The following SLC7A8 variants were observed in gnomAD, a reference collection of about 807,000 sequenced individuals.
The protein encoded by SLC7A8 is large neutral amino acids transporter small subunit 2.
SLC7A8 carries 30 observed loss-of-function variants against 51.2 expected under a neutral mutation model. The observed-to-expected ratio is 0.59, with a 90% CI of 0.44 to 0.80. The LOEUF (loss-of-function observed/expected upper bound fraction) is 0.80. SLC7A8 is among the 30% of genes least tolerant of loss of function. The pLI is 0.00. For synonymous variants in SLC7A8, 257 were observed against 275.8 expected (o/e 0.93, Z 0.67); for missense variants, 612 against 674.4 (o/e 0.91, Z 1.03).
rs372735550 is a variant in SLC7A8 at position 23,129,533 on chromosome 14, T to C, written c.1263+117A>G. 38 of 1,230,816 alleles carry C rather than the reference T, an allele frequency of 3.1e-5. 1 individual carries two copies. The highest frequency in any genetic ancestry group is 3.1e-4 in the East Asian group (13 of 42,272). The allele number at this position is 1,230,816 out of a possible 1,614,324, so 76.2% of individuals were successfully genotyped here. A position where few individuals can be genotyped will look rare whatever the true frequency, so the allele number is the denominator to read the frequency against. Reference sequence around the variant, plus strand: ...GGCCCTTGCTTTCCAAAGGGTCTGCTACCATCAGAGATGATGACGTGTGGT... The same window carrying C: ...GGCCCTTGCTTTCCAAAGGGTCTGCCACCATCAGAGATGATGACGTGTGGT... On this transcript the variant is annotated intron_variant, in intron 9 of 10. Transcript: ENST00000316902.
At chr14:23,180,142 G>A (rs557383512) in intron 1 of SLC7A8, among the ~76,000 whole-genome samples, 29 of 152,192 alleles carry the variant, frequency 1.9e-4, no homozygotes, top group South Asian at 8.3e-4. Context: ...TCCTGACCTC[G>A]TGATCCGCCC....
Position 23,129,750 on chromosome 14 carries a change from A to C in SLC7A8, c.1163T>G (p.Ile388Ser). The change falls in exon 9 of 11, where the codon ATC becomes AGC. Residue 388 changes from isoleucine to serine, a missense_variant. Coordinates refer to ENST00000316902, the MANE Select transcript of SLC7A8 (RefSeq NM_012244.4). ...MLVTSDMYTL[I>S]NYVGFINYLF... ...GTAGTTGATGAAGCCCACATAGTTGATGAGTGTGTACATGTCGCTGGTGAC... is the reference window on the plus strand; with the variant it reads ...GTAGTTGATGAAGCCCACATAGTTGCTGAGTGTGTACATGTCGCTGGTGAC... The C allele has an allele frequency of 1.2e-6, 2 of 1,614,196 alleles. No homozygotes were observed. Among genetic ancestry groups the C allele is most frequent in the South Asian group, 1.1e-5 (1 of 91,084 alleles).
At chr14:23,149,309 T>C (rs905160646) in intron 3 of SLC7A8, among the ~76,000 whole-genome samples, 1 of 152,188 alleles carries the variant, frequency 6.6e-6, no homozygotes, top group African/African-American at 2.4e-5. Context: ...GGGCAAAAGA[T>C]ACAATATCCC....
chr14:23,162,442 A>T (rs2048928953), intron 3 of SLC7A8, among the ~76,000 whole-genome samples: 1 of 152,274 alleles, frequency 6.6e-6, no homozygotes, highest in African/African-American at 2.4e-5. Flanking sequence ...AAGATTGGCT[A>T]CTGTTAAGTT....
At chr14:23,178,798 G>A (rs184242809) in intron 1 of SLC7A8, among the ~76,000 whole-genome samples, 1 of 149,552 alleles carries the variant, frequency 6.7e-6, no homozygotes, top group East Asian at 2.0e-4. Flanking sequence ...TTGGGAGGCT[G>A]AGGTGGGAGA....
intron 6 of SLC7A8, 125 bp from the exon 7 acceptor site, chr14:23,138,149 T>C: frequency 4.1e-6 from 5 of 1,216,928 alleles, no homozygotes; most frequent in Non-Finnish European, 5.7e-6. Flanking sequence ...TCGCCAAGCT[T>C]CTTAATTGCC....
At chr14:23,137,856 T>C (rs1946562601) in intron 7 of SLC7A8, 65 bp downstream of exon 7, 1 of 1,584,626 alleles carries the variant, frequency 6.3e-7, no homozygotes, top group Non-Finnish European at 8.6e-7. Context: ...AAGCCCACCA[T>C]ATACAAATAG....
intron 3 of SLC7A8, among the ~76,000 whole-genome samples, chr14:23,160,493 C>G (rs1318267942): frequency 3.3e-5 from 5 of 151,544 alleles, no homozygotes; most frequent in Non-Finnish European, 7.4e-5. Flanking sequence ...ATGGCGTGAA[C>G]CCGGGAGGCA....
intron 1 of SLC7A8, among the ~76,000 whole-genome samples, chr14:23,175,676 T>C (rs955129444): frequency 1.3e-5 from 2 of 152,214 alleles, no homozygotes; most frequent in Admixed American, 1.3e-4. Context: ...ATTATCGCCC[T>C]GACAGTAGCA....
intron 1 of SLC7A8, 127 bp downstream of exon 1, chr14:23,182,637 C>T (rs529054874): frequency 1.9e-6 from 2 of 1,047,210 alleles, no homozygotes; most frequent in Middle Eastern, 2.2e-4. Context: ...AGGTGAGTTA[C>T]AGCTCAGGTG....
chr14:23,176,739 C>T (rs559128571), intron 1 of SLC7A8, among the ~76,000 whole-genome samples: 11 of 151,940 alleles, frequency 7.2e-5, no homozygotes, highest in African/African-American at 2.4e-4. Flanking sequence ...GTCAGGAGTT[C>T]GAGACTAGCC....
In SLC7A8 at chr14:23,139,407, G is replaced by A. The variant is rs760021715; in HGVS notation, c.912+17C>T. The A allele has an allele frequency of 4.3e-6, 7 of 1,613,740 alleles. No individual in the cohort carries two copies. The highest frequency in any genetic ancestry group is 3.4e-6 in the Non-Finnish European group (4 of 1,179,776). ...TCTGCATTCCTGGTATGAGACTCTG[G>A]GACTTTCATTTCTTACCACAGCGAC... is the stretch of plus-strand genomic sequence containing the variant. On this transcript the variant is annotated intron_variant, in intron 6 of 10. Transcript: ENST00000316902.
intron 6 of SLC7A8, 63 bp downstream of exon 6, chr14:23,139,361 G>A (rs2048720174): frequency 6.2e-7 from 1 of 1,609,372 alleles, no homozygotes; most frequent in Admixed American, 1.7e-5. Flanking sequence ...AGTGAGTGGG[G>A]CTACAGCAGG....
rs1278036527 is a variant in SLC7A8, at chr14:23,126,769, T to G, written c.*408A>C. The G allele has an allele frequency of 4.3e-6, 1 of 233,260 alleles. No individual in the cohort carries two copies. The highest frequency in any genetic ancestry group is 5.0e-5 in the Admixed American group (1 of 19,920). The allele number at this position is 233,260 out of a possible 1,614,324, so 14.4% of individuals were successfully genotyped here. A position where few individuals can be genotyped will look rare whatever the true frequency, so the allele number is the denominator to read the frequency against. The stretch of plus-strand genomic sequence containing the variant: ...GACCCCTTGATGGGGACAGAATTGC[T>G]TGAGCCTGTCCCCCCACAATGCAGC... On this transcript the variant is annotated 3_prime_UTR_variant, in exon 11 of 11. Transcript: ENST00000316902.
At chr14:23,137,886 G>A (rs761385572) in intron 7 of SLC7A8, 35 bp downstream of exon 7, 1 of 1,607,894 alleles carries the variant, frequency 6.2e-7, no homozygotes, top group South Asian at 1.1e-5. Flanking sequence ...CAGCAGAGTG[G>A]CCCCTGGCCG....
At chr14:23,179,522 T>C (rs1206174521) in intron 1 of SLC7A8, among the ~76,000 whole-genome samples, 3 of 148,952 alleles carry the variant, frequency 2.0e-5, no homozygotes, top group African/African-American at 7.4e-5. Flanking sequence ...AAAAAAAAGA[T>C]CTGGGGGCCG....
intron 3 of SLC7A8, among the ~76,000 whole-genome samples, chr14:23,151,323 GTGC>G (rs2048844945): frequency 6.6e-6 from 1 of 152,208 alleles, no homozygotes; most frequent in Admixed American, 6.5e-5. Flanking sequence ...AGAAGCCACC[GTGC>G]TGCTCTAGGG....
rs1340983167 is a variant in SLC7A8, at chr14:23,127,098, C to T, written c.*79G>A. ...GCAGAGAGAGGGGTGTGTGTGTACT[C>T]GCATGTGTTGGCAGGACCAAGGCAG... On this transcript the variant is annotated 3_prime_UTR_variant, in exon 11 of 11. Coordinates refer to ENST00000316902, the MANE Select transcript of SLC7A8 (RefSeq NM_012244.4). 10 of 1,541,782 alleles carry T rather than the reference C, an allele frequency of 6.5e-6. No homozygotes were observed. Among genetic ancestry groups the T allele is most frequent in the East Asian group, 2.3e-5 (1 of 44,274 alleles).
chr14:23,137,237 G>A (rs1184011203), intron 7 of SLC7A8, among the ~76,000 whole-genome samples: 1 of 152,188 alleles, frequency 6.6e-6, no homozygotes, highest in African/African-American at 2.4e-5. Context: ...CGCACTTCTG[G>A]CTTCTGAGAG....
Sources: allele counts gnomAD v4.1 joint callset (sites outside exome capture counted in the v4.1 genomes callset), GRCh38; gene constraint gnomAD v4.1.1; transcripts MANE v1.5; gene names NCBI Gene and HGNC (gene_info 2026-07-23, HGNC 2026-07-21).